Variants in C12orf42 observed in about 807,000 individuals in gnomAD.
C12orf42 encodes uncharacterized protein C12orf42.
C12orf42 carries 25 observed loss-of-function variants against 21.6 expected under a neutral mutation model. The observed-to-expected ratio is 1.16, with a 90% CI of 0.84 to 1.62. The LOEUF (loss-of-function observed/expected upper bound fraction) is 1.62, where lower values mean the gene tolerates loss of function less well. Ranked by LOEUF, C12orf42 falls within the 40% of genes most tolerant of loss-of-function variation. The probability of loss-of-function intolerance (pLI) is 0.00; values close to 1 mark genes in which losing one functional copy is unlikely to be tolerated. For synonymous variants in C12orf42, 174 were observed against 175.0 expected, an observed-to-expected ratio of 0.99 and a Z score of 0.05; for missense variants, 483 against 459.3, an observed-to-expected ratio of 1.05 and a Z score of -0.47.
At chr12:103,389,726 G>A (rs1593763867) in intron 3 of C12orf42, among the ~76,000 whole-genome samples, 2 of 152,160 alleles carry the variant, frequency 1.3e-5, no homozygotes, top group East Asian at 3.9e-4. Flanking sequence ...AAGGTCACAG[G>A]GGCAGGGGGC....
rs527312081 is a variant in C12orf42 at position 103,339,693 on chromosome 12, CAG to C, written c.259+29192_259+29193del. On this transcript the variant is annotated intron_variant, in intron 4 of 5. Coordinates refer to ENST00000548883, the MANE Select transcript of C12orf42 (RefSeq NM_198521.5). ...CTATTATTAAAAAGTCAAAAAATAA[CAG>C]ATGCTGGTGAAATTGTGGAGAAAAA... Among the ~76,000 whole-genome samples the C allele has an allele frequency of 1.7e-3, 253 of 152,248 alleles. 1 individual carries two copies. The highest frequency in any genetic ancestry group is 5.5e-3 in the African/African-American group (228 of 41,552).
the C12orf42 span, among the ~76,000 whole-genome samples, chr12:103,056,849 T>C: frequency 3.3e-3 from 503 of 152,330 alleles, 1 homozygote; most frequent in African/African-American, 0.012. Flanking sequence ...CCTATTTCTT[T>C]TCTGTGAGTT....
chr12:103,178,891 G>A, the C12orf42 span, among the ~76,000 whole-genome samples: 1 of 152,182 alleles, frequency 6.6e-6, no homozygotes, highest in East Asian at 1.9e-4. Context: ...GACACCTGCT[G>A]GAAAGTCACA....
chr12:103,227,006 A>G, the C12orf42 span, among the ~76,000 whole-genome samples: 5 of 152,142 alleles, frequency 3.3e-5, no homozygotes, highest in Middle Eastern at 3.2e-3. Context: ...GGCTATTTGG[A>G]ACTACTGTCG....
chr12:103,459,193 C>T (rs150734811), intron 2 of C12orf42, among the ~76,000 whole-genome samples: 14 of 152,272 alleles, frequency 9.2e-5, no homozygotes, highest in East Asian at 3.9e-4. Flanking sequence ...TACTTGGCCA[C>T]GGGCTGAGAG....
At chr12:103,407,689 G>C (rs2048527549) in intron 2 of C12orf42, among the ~76,000 whole-genome samples, 2 of 152,116 alleles carry the variant, frequency 1.3e-5, no homozygotes, top group African/African-American at 2.4e-5. Context: ...CAAAAGTTAT[G>C]CATGGATTTC....
chr12:103,383,773 C>T lies in C12orf42; in HGVS notation c.148-14775G>A, dbSNP rs545297135. Among the ~76,000 whole-genome samples the T allele has an allele frequency of 3.3e-5, 5 of 152,268 alleles. No individual in the cohort carries two copies. In the East Asian group the frequency reaches 5.8e-4, roughly 18 times the overall value. Reference sequence around the variant, plus strand: ...CCACTCTTGAATTCAACTTTCCTTGCCTATAAAATAACAAAGTATTTTGAA... The same window carrying T: ...CCACTCTTGAATTCAACTTTCCTTGTCTATAAAATAACAAAGTATTTTGAA... On this transcript the variant is annotated intron_variant, in intron 3 of 5. Coordinates refer to ENST00000548883, the MANE Select transcript of C12orf42 (RefSeq NM_198521.5).
the C12orf42 span, among the ~76,000 whole-genome samples, chr12:103,228,057 G>A: frequency 1.3e-5 from 2 of 152,158 alleles, no homozygotes; most frequent in Admixed American, 1.3e-4. Flanking sequence ...GAGTACAGGG[G>A]ATTGATCTCC....
chr12:103,524,971 G>A, the C12orf42 span, among the ~76,000 whole-genome samples: 6 of 146,924 alleles, frequency 4.1e-5, no homozygotes, highest in Non-Finnish European at 6.0e-5. Context: ...TTGGGGGGGG[G>A]GCAGGGGGGC....
At chr12:103,164,347 C>T in the C12orf42 span, 1 of 453,288 alleles carries the variant, frequency 2.2e-6, no homozygotes, top group South Asian at 1.6e-5. Context: ...ACTCTCCTAT[C>T]CCCTTTCATA....
intron 4 of C12orf42, among the ~76,000 whole-genome samples, chr12:103,326,082 T>C (rs1027381785): frequency 2.6e-5 from 4 of 152,208 alleles, no homozygotes; most frequent in Non-Finnish European, 5.9e-5. Flanking sequence ...TCACAACAAT[T>C]TGATGAGGTT....
intron 10 of C12orf42, among the ~76,000 whole-genome samples, chr12:103,263,059 A>G (rs1035202133): frequency 6.6e-6 from 1 of 152,070 alleles, no homozygotes; most frequent in African/African-American, 2.4e-5. Flanking sequence ...AGGACAGAAA[A>G]CCAAATACCG....
chr12:103,339,535 A>C, intron 4 of C12orf42, among the ~76,000 whole-genome samples: 1 of 152,386 alleles, frequency 6.6e-6, no homozygotes, highest in African/African-American at 2.4e-5. Flanking sequence ...GACAAAGGAC[A>C]TGAACAGATA....
the C12orf42 span, among the ~76,000 whole-genome samples, chr12:103,096,296 A>T: frequency 1.3e-5 from 2 of 152,232 alleles, no homozygotes; most frequent in Non-Finnish European, 2.9e-5. Context: ...GCTTTATAAG[A>T]ATGGAATAAT....
At chr12:103,211,066 G>A in the C12orf42 span, among the ~76,000 whole-genome samples, 1 of 152,102 alleles carries the variant, frequency 6.6e-6, no homozygotes, top group Non-Finnish European at 1.5e-5. Context: ...TGATCATTCT[G>A]TAGATTCCCT....
chr12:103,319,184 A>G (rs1015811683), intron 4 of C12orf42, among the ~76,000 whole-genome samples: 1 of 152,244 alleles, frequency 6.6e-6, no homozygotes, highest in African/African-American at 2.4e-5. Context: ...CACATCATTC[A>G]AAAGCACATA....
chr12:103,325,523 A>G (rs961356920), intron 4 of C12orf42, among the ~76,000 whole-genome samples: 11 of 152,252 alleles, frequency 7.2e-5, no homozygotes, highest in Non-Finnish European at 5.9e-5. Context: ...AGTATTCTCG[A>G]TGACAAGAAG....
intron 5 of C12orf42, among the ~76,000 whole-genome samples, chr12:103,304,657 G>A (rs2038086557): frequency 6.6e-6 from 1 of 152,218 alleles, no homozygotes; most frequent in Non-Finnish European, 1.5e-5. Context: ...TATCTCAGAA[G>A]AGAGTCATGA....
the C12orf42 span, among the ~76,000 whole-genome samples, chr12:103,521,254 T>A: frequency 6.6e-6 from 1 of 152,096 alleles, no homozygotes; most frequent in African/African-American, 2.4e-5. Context: ...TAACCAATCA[T>A]TGCATCACTA....
Sources: allele counts gnomAD v4.1 joint callset (sites outside exome capture counted in the v4.1 genomes callset), GRCh38; gene constraint gnomAD v4.1.1; transcripts MANE v1.5; gene names NCBI Gene and HGNC (gene_info 2026-07-23, HGNC 2026-07-21).